The following AGTPBP1 variants were observed in gnomAD, a reference collection of about 807,000 sequenced individuals.
AGTPBP1 encodes the protein ATP/GTP binding carboxypeptidase 1.
Under a neutral mutation model 143.9 loss-of-function variants are expected in AGTPBP1, and 70 were observed. The observed-to-expected ratio is 0.49, with a 90% CI of 0.40 to 0.59. The LOEUF (loss-of-function observed/expected upper bound fraction) is 0.59. Ranked by LOEUF, AGTPBP1 falls within the 20% of genes least tolerant of loss-of-function variation. The probability of loss-of-function intolerance (pLI) is 0.00; values close to 1 mark genes in which losing one functional copy is unlikely to be tolerated. For synonymous variants in AGTPBP1, 463 were observed against 500.2 expected (o/e 0.93, Z 0.99); for missense variants, 1,229 against 1,464.5 (o/e 0.84, Z 2.62).
intron 8 of AGTPBP1, among the ~76,000 whole-genome samples, chr9:85,661,711 A>G (rs1833867420): frequency 6.6e-6 from 1 of 152,158 alleles, no homozygotes; most frequent in South Asian, 2.1e-4. Flanking sequence ...TACACATAAT[A>G]TCACCATGGA....
At chr9:85,709,650 A>G (rs886068606) in intron 2 of AGTPBP1, among the ~76,000 whole-genome samples, 3 of 152,208 alleles carry the variant, frequency 2.0e-5, no homozygotes, top group Non-Finnish European at 2.9e-5. Flanking sequence ...GAGAGAAAAC[A>G]AAAGTTAACA....
At chr9:85,643,004 C>T in intron 12 of AGTPBP1, 61 bp from the exon 13 acceptor site, 1 of 1,084,722 alleles carries the variant, frequency 9.2e-7, no homozygotes, top group East Asian at 2.5e-5. Flanking sequence ...TTACAGAAAA[C>T]ATTTTAGATT....
intron 3 of AGTPBP1, among the ~76,000 whole-genome samples, chr9:85,690,129 T>C (rs1435490892): frequency 6.6e-6 from 1 of 151,942 alleles, no homozygotes; most frequent in African/African-American, 2.4e-5. Flanking sequence ...TTTCTGTCAA[T>C]CTGACTACTG....
chr9:85,781,881 A>T, the AGTPBP1 span, among the ~76,000 whole-genome samples: 1 of 152,206 alleles, frequency 6.6e-6, no homozygotes, highest in Non-Finnish European at 1.5e-5. Flanking sequence ...ATGAAATAAC[A>T]TGACAAAATA....
chr9:85,757,004 T>TGGG, the AGTPBP1 span, among the ~76,000 whole-genome samples: 9 of 148,676 alleles, frequency 6.1e-5, no homozygotes, highest in East Asian at 4.0e-4. Flanking sequence ...TTCTTTTTTT[T>TGGG]GGGGGGGTGA....
intron 14 of AGTPBP1, among the ~76,000 whole-genome samples, chr9:85,625,793 G>C (rs1220175184): frequency 6.6e-6 from 1 of 151,212 alleles, no homozygotes; most frequent in African/African-American, 2.4e-5. Context: ...GCTGAGGCAA[G>C]AGAATCACTT....
At chr9:85,665,505 G>A (rs1834078350) in intron 8 of AGTPBP1, among the ~76,000 whole-genome samples, 1 of 152,240 alleles carries the variant, frequency 6.6e-6, no homozygotes, top group African/African-American at 2.4e-5. Flanking sequence ...TGTTATGACA[G>A]CCCTAGAAAA....
At position 85,642,820 on chromosome 9, in the gene AGTPBP1, T is replaced by C. The variant is rs376373182; in HGVS notation, c.1302+7A>G. On this transcript the variant is annotated splice_region_variant and intron_variant, in intron 13 of 25. Transcript: ENST00000357081. ...CAGTTAAGATGCTGAATTTTCTATATTTATACCTGAAAATCATCAACAAGC... is the reference window on the plus strand; with the variant it reads ...CAGTTAAGATGCTGAATTTTCTATACTTATACCTGAAAATCATCAACAAGC... 1 of 1,591,900 alleles carries C rather than the reference T, an allele frequency of 6.3e-7. No individual in the cohort carries two copies. The highest frequency in any genetic ancestry group is 1.4e-5 in the African/African-American group (1 of 73,918).
rs1831814019 is a variant in AGTPBP1 at position 85,633,320 on chromosome 9, G to C, written c.1357C>G (p.Arg453Gly). The change falls in exon 14 of 26, where the codon CGT (arginine) becomes GGT (glycine). Residue 453 changes from arginine to glycine, a missense_variant. This residue lies in a region of AGTPBP1 where 743 missense variants were observed against 812.2 expected (regional missense o/e 0.91). Coordinates refer to ENST00000357081, the MANE Select transcript of AGTPBP1 (RefSeq NM_001330701.2). Reference sequence around the variant, plus strand: ...GCCGTAGGAACAACAATAGGACCACGTACTTTTCCCTCAAATACAAAAGGC... The same window carrying C: ...GCCGTAGGAACAACAATAGGACCACCTACTTTTCCCTCAAATACAAAAGGC... ...PKPFVFEGKV[R>G]GPIVVPTAGE... The C allele has an allele frequency of 6.2e-7, 1 of 1,600,512 alleles. No homozygotes were observed.
At chr9:85,790,055 T>TA in the AGTPBP1 span, among the ~76,000 whole-genome samples, 3 of 152,198 alleles carry the variant, frequency 2.0e-5, no homozygotes, top group African/African-American at 7.2e-5. Flanking sequence ...TTGGACTTTT[T>TA]AAAAAAATTC....
intron 1 of AGTPBP1, among the ~76,000 whole-genome samples, chr9:85,725,606 G>T (rs993364885): frequency 1.3e-4 from 20 of 152,126 alleles, no homozygotes; most frequent in African/African-American, 4.8e-4. Context: ...AAATTGGAGA[G>T]AAATTTTAAT....
chr9:85,703,190 C>T (rs569663282), intron 2 of AGTPBP1, among the ~76,000 whole-genome samples: 2 of 152,206 alleles, frequency 1.3e-5, no homozygotes, highest in South Asian at 4.1e-4. Flanking sequence ...ACTGAATTTT[C>T]AAAGAATGAG....
In AGTPBP1 at chr9:85,672,535, C is replaced by T; in HGVS notation, c.568+15G>A. On this transcript the variant is annotated intron_variant, in intron 7 of 25. Coordinates refer to ENST00000357081, the MANE Select transcript of AGTPBP1 (RefSeq NM_001330701.2). ...TTACAACACTGAGTTAACTAAAAGC[C>T]ACCTAAATACTCACAGTTGGCAGAA... is the stretch of plus-strand genomic sequence containing the variant. The T allele has an allele frequency of 6.2e-7, 1 of 1,602,048 alleles. No individual in the cohort carries two copies. The highest frequency in any genetic ancestry group is 8.5e-7 in the Non-Finnish European group (1 of 1,176,050).
intron 1 of AGTPBP1, 24 bp from the exon 2 acceptor site, chr9:85,712,590 T>A (rs1837450003): frequency 1.6e-6 from 2 of 1,232,126 alleles, no homozygotes; most frequent in Non-Finnish European, 2.2e-6. Context: ...GTTAATGATA[T>A]TAAAAACTTA....
At chr9:85,743,803 C>T (rs547446462), upstream of AGTPBP1, among the ~76,000 whole-genome samples, 1 of 152,286 alleles carries the variant, frequency 6.6e-6, no homozygotes, top group African/African-American at 2.4e-5. Flanking sequence ...CCTCTAGCAT[C>T]GTGGGACCTT....
At chr9:85,598,375 TTGTATCTCACATC>T (rs1206241022) in intron 17 of AGTPBP1, among the ~76,000 whole-genome samples, 4 of 152,252 alleles carry the variant, frequency 2.6e-5, no homozygotes, top group Non-Finnish European at 4.4e-5. Context: ...CCACTTGTTC[TTGTATCTCACATC>T]TCCATCTCGG....
chr9:85,764,195 CTT>C, the AGTPBP1 span, among the ~76,000 whole-genome samples: 1 of 147,988 alleles, frequency 6.8e-6, no homozygotes, highest in Non-Finnish European at 1.5e-5. Flanking sequence ...TTTAAATAGA[CTT>C]TTTTTTTTTA....
chr9:85,692,257 A>G (rs900939557), intron 3 of AGTPBP1, among the ~76,000 whole-genome samples: 16 of 151,634 alleles, frequency 1.1e-4, no homozygotes, highest in Middle Eastern at 3.2e-3. Context: ...ACTCGAGTCA[A>G]TTTGAGAAAG....
At chr9:85,780,935 TGAAACCTC>T in the AGTPBP1 span, among the ~76,000 whole-genome samples, 2 of 152,142 alleles carry the variant, frequency 1.3e-5, no homozygotes, top group African/African-American at 4.8e-5. Flanking sequence ...GCTAACATGA[TGAAACCTC>T]GTCTCTACTA....
Sources: allele counts gnomAD v4.1 joint callset (sites outside exome capture counted in the v4.1 genomes callset), GRCh38; gene constraint gnomAD v4.1.1; regional missense constraint gnomAD v4.1.1; transcripts MANE v1.5; gene names NCBI Gene and HGNC (gene_info 2026-07-23, HGNC 2026-07-21).